POLR3G: variants seen among roughly 807,000 people sequenced by gnomAD.
The protein encoded by POLR3G is DNA-directed RNA polymerase III subunit RPC7.
In POLR3G, 28 loss-of-function variants were observed where a neutral mutation model predicts 30.1. That is an observed-to-expected ratio of 0.93 (90% CI 0.69 to 1.27). The LOEUF is 1.27. Among genes scored for constraint, POLR3G ranks in the 50% most tolerant of loss-of-function variants. The probability of loss-of-function intolerance (pLI) is 0.00; values close to 1 mark genes in which losing one functional copy is unlikely to be tolerated. For synonymous variants in POLR3G, 79 were observed against 82.5 expected (o/e 0.96, Z 0.23); for missense variants, 254 against 264.6 (o/e 0.96, Z 0.28).
chr5:90,507,174 T>C (rs1414581512), intron 7 of POLR3G, among the ~76,000 whole-genome samples: 2 of 152,222 alleles, frequency 1.3e-5, no homozygotes, highest in Non-Finnish European at 2.9e-5. Flanking sequence ...TAGAATGAAA[T>C]GCACATAGTA....
intron 1 of POLR3G, among the ~76,000 whole-genome samples, chr5:90,478,029 C>T (rs1750923081): frequency 6.6e-6 from 1 of 152,180 alleles, no homozygotes; most frequent in Non-Finnish European, 1.5e-5. Context: ...CTTTTGTTCC[C>T]TGCCTCCAGA....
chr5:90,490,565 CTTTTAA>C, intron 3 of POLR3G: 1 of 397,214 alleles, frequency 2.5e-6, no homozygotes. Context: ...GCCCGGCTAA[CTTTTAA>C]TTTTTTTTTT....
rs1752485619 is a variant in POLR3G, at chr5:90,506,393, T to G, written c.439-135T>G. ...TTCTTTCTTGAGTTGACTCATAGTT[T>G]CCTAGGTGGTAGCCAGGAGGTGGTG... On this transcript the variant is annotated intron_variant, in intron 6 of 7. Transcript: ENST00000651687. 11 of 1,242,336 alleles carry G rather than the reference T, an allele frequency of 8.9e-6. No individual in the cohort carries two copies. The East Asian group carries it at 2.7e-4, about 31-fold the overall frequency. The allele number at this position is 1,242,336 out of a possible 1,614,324, so 77.0% of individuals were successfully genotyped here.
chr5:90,476,284 A>G (rs531910674), intron 1 of POLR3G, among the ~76,000 whole-genome samples: 4 of 152,214 alleles, frequency 2.6e-5, no homozygotes, highest in Non-Finnish European at 5.9e-5. Context: ...TTCCTTATGC[A>G]CAAGTCGCTG....
chr5:90,511,556 C>T (rs1160214477), intron 7 of POLR3G, among the ~76,000 whole-genome samples: 1 of 150,408 alleles, frequency 6.6e-6, no homozygotes, highest in East Asian at 1.9e-4. Flanking sequence ...GAAAAAGAAA[C>T]TAAGAGGTCC....
rs1413777479 is a variant in POLR3G, at chr5:90,485,547, C to T, written c.-21C>T. ...TAGTGCCTTTCAGAATTTGCCCACT[C>T]ATCTGGTATAACTGGTTCTGATGGC... On this transcript the variant is annotated 5_prime_UTR_variant, in exon 2 of 8. Coordinates refer to ENST00000651687, the MANE Select transcript of POLR3G (RefSeq NM_006467.3). 39 of 1,543,736 alleles carry T rather than the reference C, an allele frequency of 2.5e-5. No individual in the cohort carries two copies. The highest frequency in any genetic ancestry group is 4.7e-5 in the South Asian group (4 of 85,852).
At chr5:90,493,676 A>ATTTTTTTTTTTTTTTTT (rs70999488) in intron 3 of POLR3G, among the ~76,000 whole-genome samples, 1 of 51,420 alleles carries the variant, frequency 1.9e-5, no homozygotes, top group Non-Finnish European at 3.9e-5. Flanking sequence ...CCACTATTTA[A>ATTTTTTTTTTTTTTTTT]TTTTTTTTTT....
upstream of POLR3G, chr5:90,474,092 C>T (rs1297339067): frequency 1.3e-6 from 2 of 1,574,856 alleles, no homozygotes. Flanking sequence ...CCTCTTTGGC[C>T]TCTCGGTCCT....
At chr5:90,493,868 T>G (rs1259040280) in intron 3 of POLR3G, among the ~76,000 whole-genome samples, 2 of 151,440 alleles carry the variant, frequency 1.3e-5, no homozygotes, top group Non-Finnish European at 2.9e-5. Context: ...CCACCACACA[T>G]GGCTAATTTT....
intron 1 of POLR3G, among the ~76,000 whole-genome samples, chr5:90,482,414 T>G (rs1289802846): frequency 6.6e-6 from 1 of 152,226 alleles, no homozygotes; most frequent in African/African-American, 2.4e-5. Flanking sequence ...TAAGCTGTCC[T>G]TGTTCATTCC....
intron 5 of POLR3G, among the ~76,000 whole-genome samples, chr5:90,501,250 TTTTTA>T (rs1319419714): frequency 2.0e-5 from 3 of 152,188 alleles, no homozygotes; most frequent in African/African-American, 7.2e-5. Flanking sequence ...GGCAGAAGTA[TTTTTA>T]TTTTATTTTA....
At chr5:90,500,252 C>T (rs1752183861) in intron 5 of POLR3G, among the ~76,000 whole-genome samples, 1 of 151,890 alleles carries the variant, frequency 6.6e-6, no homozygotes, top group African/African-American at 2.4e-5. Flanking sequence ...TGGAAGTAAA[C>T]AGTAACAACA....
intron 5 of POLR3G, among the ~76,000 whole-genome samples, chr5:90,499,521 A>G (rs1752141740): frequency 6.6e-6 from 1 of 152,224 alleles, no homozygotes; most frequent in Non-Finnish European, 1.5e-5. Context: ...CCAGATTGGA[A>G]TGGCTTAACC....
At chr5:90,495,894 A>G (rs1580209642) in intron 4 of POLR3G, among the ~76,000 whole-genome samples, 161 bp downstream of exon 4, 1 of 151,706 alleles carries the variant, frequency 6.6e-6, no homozygotes, top group Non-Finnish European at 1.5e-5. Flanking sequence ...AGGTGAAAAG[A>G]TTTTTATGCT....
At chr5:90,505,312 A>G (rs143067375) in intron 6 of POLR3G, among the ~76,000 whole-genome samples, 1 of 152,178 alleles carries the variant, frequency 6.6e-6, no homozygotes, top group Non-Finnish European at 1.5e-5. Context: ...TGCCTTAATT[A>G]TGCGTATTAA....
At chr5:90,507,707 C>T (rs1752556760) in intron 7 of POLR3G, among the ~76,000 whole-genome samples, 1 of 152,080 alleles carries the variant, frequency 6.6e-6, no homozygotes. Context: ...TCACAATTTT[C>T]CTGAATATTC....
chr5:90,497,606 A>T, intron 4 of POLR3G, 50 bp from the exon 5 acceptor site: 1 of 1,563,388 alleles, frequency 6.4e-7, no homozygotes, highest in Non-Finnish European at 8.6e-7. Context: ...GTTCAATGCC[A>T]CAAATTCCTA....
chr5:90,506,061 C>A (rs140136649), intron 6 of POLR3G, among the ~76,000 whole-genome samples: 2 of 151,766 alleles, frequency 1.3e-5, no homozygotes, highest in African/African-American at 4.8e-5. Context: ...ATGGAGAAAC[C>A]CTGTCTCTAC....
chr5:90,474,318 G>A (rs1295640305), upstream of POLR3G: 1 of 1,603,146 alleles, frequency 6.2e-7, no homozygotes, highest in Non-Finnish European at 8.5e-7. Flanking sequence ...AGCCAGGCGG[G>A]GTGAGTGTGG....
Sources: allele counts gnomAD v4.1 joint callset (sites outside exome capture counted in the v4.1 genomes callset), GRCh38; gene constraint gnomAD v4.1.1; transcripts MANE v1.5; gene names NCBI Gene and HGNC (gene_info 2026-07-23, HGNC 2026-07-21).